WNK1: variants seen among roughly 807,000 people sequenced by gnomAD.
WNK1 encodes serine/threonine-protein kinase WNK1.
WNK1 carries 38 observed loss-of-function variants against 222.8 expected under a neutral mutation model. That is an observed-to-expected ratio of 0.17 (90% CI 0.13 to 0.22). The LOEUF is 0.22. Ranked by LOEUF, WNK1 falls within the 10% of genes least tolerant of loss-of-function variation. The pLI is 1.00. For synonymous variants in WNK1, 1,090 were observed against 1,092.9 expected (o/e 1.00, Z 0.05); for missense variants, 2,348 against 2,918.4 (o/e 0.80, Z 4.50).
chr12:756,035 C>CAGAAATTTACAGGT (rs2121200784), intron 1 of WNK1, among the ~76,000 whole-genome samples: 1 of 152,290 alleles, frequency 6.6e-6, no homozygotes, highest in South Asian at 2.1e-4. Context: ...GGTTTACAGG[C>CAGAAATTTACAGGT]AGAAATTTAC....
chr12:897,498 G>A lies in WNK1; in HGVS notation c.6265G>A (p.Asp2089Asn), dbSNP rs745572782. 8.7e-6 allele frequency: 14 copies of A among 1,603,554 alleles called. No homozygotes were observed. The East Asian group carries it at 3.1e-4, about 36-fold the overall frequency. ...TCACAGACATCTCAAAGAGATTCAGGACCTGCAGAGTCGCCAGAAGCATGA... is the reference window on the plus strand; with the variant it reads ...TCACAGACATCTCAAAGAGATTCAGAACCTGCAGAGTCGCCAGAAGCATGA... ...LRDKHLKEIQDLQSRQKHEIE... is the reference protein window; with the variant it reads ...LRDKHLKEIQNLQSRQKHEIE... The change falls in exon 25 of 28, where the codon GAC becomes AAC. Residue 2089 changes from aspartate (D) to asparagine (N), a missense_variant. By Grantham distance (23) the Asp-to-Asn change is conservative. This residue lies in a region of WNK1 where 1,144 missense variants were observed against 1,273.6 expected (regional missense o/e 0.90). Transcript: ENST00000315939.
intron 1 of WNK1, among the ~76,000 whole-genome samples, chr12:756,671 C>G (rs1940082658): frequency 1.3e-5 from 2 of 152,170 alleles, no homozygotes; most frequent in Non-Finnish European, 1.5e-5. Context: ...GTTTTTTGAC[C>G]AGGACACTTG....
chr12:901,561 G>A, intron 26 of WNK1: 1 of 1,288,778 alleles, frequency 7.8e-7, no homozygotes, highest in South Asian at 1.2e-5. Context: ...CCTCTCACAG[G>A]CTGTGCGAAG....
Position 887,373 on chromosome 12 carries a change from A to G in WNK1, c.5364+69A>G. 2.0e-6 allele frequency: 3 copies of G among 1,504,218 alleles called. No individual in the cohort carries two copies. The South Asian group carries it at 3.4e-5, about 17-fold the overall frequency. 93.2% of individuals were successfully genotyped at this position (1,504,218 alleles called of 1,614,324 possible). A position where few individuals can be genotyped will look rare whatever the true frequency, so the allele number is the denominator to read the frequency against. ...TTGACAAAGCTTGCTGAAGTTCTCC[A>G]CTACGTGGTCTTGGCTTTTGCCTAT... On this transcript the variant is annotated intron_variant, in intron 20 of 27. Coordinates refer to ENST00000315939, the MANE Select transcript of WNK1 (RefSeq NM_018979.4).
intron 1 of WNK1, among the ~76,000 whole-genome samples, chr12:793,036 A>G (rs1442134030): frequency 6.6e-6 from 1 of 152,192 alleles, no homozygotes; most frequent in East Asian, 1.9e-4. Context: ...CCTGGTAACT[A>G]AGTCACGGTA....
At chr12:890,924 T>A (rs1453800905) in intron 22 of WNK1, among the ~76,000 whole-genome samples, 1 of 152,226 alleles carries the variant, frequency 6.6e-6, no homozygotes, top group Non-Finnish European at 1.5e-5. Flanking sequence ...TTAAACATTT[T>A]TATTTTCAAG....
At chr12:830,905 C>T (rs967247161) in intron 4 of WNK1, among the ~76,000 whole-genome samples, 12 of 152,178 alleles carry the variant, frequency 7.9e-5, no homozygotes, top group African/African-American at 2.7e-4. Context: ...CCATCAAGGT[C>T]CACAAAATAT....
intron 1 of WNK1, chr12:781,128 T>C (rs966900760): frequency 6.4e-6 from 1 of 155,234 alleles, no homozygotes; most frequent in African/African-American, 2.4e-5. Flanking sequence ...CAACAAAAAC[T>C]GCTAACCATC....
rs72649848 is a variant in WNK1, at chr12:865,332, C to T, written c.2139+3062C>T. 2.8e-3 allele frequency: 4,342 copies of T among 1,536,122 alleles called. 11 individuals carry two copies. The highest frequency in any genetic ancestry group is 3.4e-3 in the Non-Finnish European group (3,946 of 1,146,894). ...CTCTGCCTCTCAGCGCAAGCACCGACGCTCCAGCCTGCCTTCCCTCTTTGT... is the reference window on the plus strand; with the variant it reads ...CTCTGCCTCTCAGCGCAAGCACCGATGCTCCAGCCTGCCTTCCCTCTTTGT... On this transcript the variant is annotated intron_variant, in intron 8 of 27. Coordinates refer to ENST00000315939, the MANE Select transcript of WNK1 (RefSeq NM_018979.4).
rs560836712 is a variant in WNK1, at chr12:896,519, C to A, written c.6032C>A (p.Ser2011Tyr). 804 of 1,613,758 alleles carry A rather than the reference C, an allele frequency of 5.0e-4. 10 individuals are homozygous for A. The South Asian group carries it at 8.4e-3, about 17-fold the overall frequency. ...LSEPSHLNGP[S>Y]SDPEAAFLSR... is the part of the protein sequence containing the mutation. The stretch of plus-strand genomic sequence containing the variant: ...GAGCCTTCACATCTAAATGGGCCGT[C>A]TTCTGACCCGGAGGCCGCTTTTTTA... Residue 2011 changes from serine (S) to tyrosine (Y), a missense_variant, in exon 24 of 28, where the codon TCT becomes TAT. Transcript: ENST00000315939.
rs750919807 is a variant in WNK1, at chr12:861,141, G to A, written c.1749G>A (p.Lys583=). 1.4e-5 allele frequency: 22 copies of A among 1,613,684 alleles called. No homozygotes were observed. Among genetic ancestry groups the A allele is most frequent in the Non-Finnish European group, 1.8e-5 (21 of 1,179,940 alleles). The change falls in exon 7 of 28, where the codon AAG becomes AAA. Residue 583 remains lysine (K), a synonymous_variant. Transcript: ENST00000315939. ...QLVREEQEKK[K]QEESSLKQQV... ...TACGGGAGGAGCAAGAAAAAAAAAAGCAGGAAGAGAGCAGTCTCAAACAGC... is the reference window on the plus strand; with the variant it reads ...TACGGGAGGAGCAAGAAAAAAAAAAACAGGAAGAGAGCAGTCTCAAACAGC...
At chr12:833,352 C>T (rs2154030286) in intron 4 of WNK1, among the ~76,000 whole-genome samples, 1 of 152,298 alleles carries the variant, frequency 6.6e-6, no homozygotes, top group African/African-American at 2.4e-5. Flanking sequence ...CTTAAGATAC[C>T]AGTTTGCTGA....
intron 5 of WNK1, among the ~76,000 whole-genome samples, chr12:858,085 A>T (rs1449034403): frequency 2.0e-5 from 3 of 152,158 alleles, no homozygotes; most frequent in Non-Finnish European, 4.4e-5. Context: ...ATGGTTTTTA[A>T]GCCTTTATTA....
intron 9 of WNK1, among the ~76,000 whole-genome samples, chr12:876,359 A>C (rs1023856767): frequency 6.6e-6 from 1 of 152,194 alleles, no homozygotes. Flanking sequence ...CAGTGAGCCA[A>C]GATCGCGCCA....
intron 10 of WNK1, 85 bp downstream of exon 10, chr12:878,446 C>A: frequency 6.9e-7 from 1 of 1,440,236 alleles, no homozygotes; most frequent in South Asian, 1.2e-5. Context: ...CTTGTCCTTT[C>A]ATGTGGATAG....
In WNK1 at chr12:868,349, C is replaced by A; in HGVS notation, c.2140-2916C>A. 1.2e-6 allele frequency: 2 copies of A among 1,613,886 alleles called. No individual in the cohort carries two copies. The highest frequency in any genetic ancestry group is 3.3e-5 in the Admixed American group (2 of 59,986). ...GGGCATTCCATACAACTCATCAGTA[C>A]TGTCAAGTCCTATGAAACAGATACC... On this transcript the variant is annotated intron_variant, in intron 8 of 27. Transcript: ENST00000315939.
chr12:851,215 A>G (rs559966425), intron 4 of WNK1, among the ~76,000 whole-genome samples: 1 of 152,304 alleles, frequency 6.6e-6, no homozygotes, highest in South Asian at 2.1e-4. Context: ...CTGAGTTTAC[A>G]CTTTGTTCAT....
chr12:852,303 T>C (rs1173364040), intron 4 of WNK1, among the ~76,000 whole-genome samples: 1 of 152,204 alleles, frequency 6.6e-6, no homozygotes, highest in African/African-American at 2.4e-5. Context: ...TGTGCTATTA[T>C]AGAGTTACAG....
intron 4 of WNK1, among the ~76,000 whole-genome samples, chr12:838,459 G>T (rs1340591067): frequency 6.6e-6 from 1 of 152,060 alleles, no homozygotes; most frequent in Non-Finnish European, 1.5e-5. Context: ...CTGTCACCCA[G>T]ACTGGAGTGC....
Sources: gnomAD v4.1 joint callset for allele counts (sites outside exome capture counted in the v4.1 genomes callset) on GRCh38, gnomAD v4.1.1 for gene constraint, gnomAD v4.1.1 regional missense constraint, MANE v1.5 for transcripts, NCBI Gene and HGNC (gene_info 2026-07-23, HGNC 2026-07-21) for gene names.